Variants in MLLT10 observed in about 807,000 individuals in gnomAD.
MLLT10 encodes protein AF-10.
MLLT10 carries 30 observed loss-of-function variants against 129.1 expected under a neutral mutation model. The observed-to-expected ratio is 0.23, with a 90% CI of 0.17 to 0.32. MLLT10 has a LOEUF of 0.32. MLLT10 is among the 10% of genes least tolerant of loss of function. The probability of loss-of-function intolerance (pLI) is 1.00; values close to 1 mark genes in which losing one functional copy is unlikely to be tolerated. For missense variants in MLLT10, 1,119 were observed against 1,268.3 expected, an observed-to-expected ratio of 0.88 and a Z score of 1.79; for synonymous variants, 490 against 446.4, an observed-to-expected ratio of 1.10 and a Z score of -1.23.
At chr10:21,658,699 C>G (rs2131341432) in intron 9 of MLLT10, among the ~76,000 whole-genome samples, 1 of 152,278 alleles carries the variant, frequency 6.6e-6, no homozygotes, top group East Asian at 1.9e-4. Flanking sequence ...GAGTCTCGCT[C>G]TGTCGCCCAG....
At chr10:21,709,732 T>G (rs1417237638) in intron 13 of MLLT10, among the ~76,000 whole-genome samples, 1 of 152,120 alleles carries the variant, frequency 6.6e-6, no homozygotes, top group African/African-American at 2.4e-5. Flanking sequence ...ACTTGTTTCT[T>G]TTTCTTCCTT....
At position 21,648,158 on chromosome 10, in the gene MLLT10, C is replaced by T. The variant is rs553360506; in HGVS notation, c.700-3515C>T. On this transcript the variant is annotated intron_variant, in intron 8 of 22. Transcript: ENST00000307729. ...ATAATTGACTCTTTTCCTGGGTTTT[C>T]CCTTTCTTAATCTGTTTAAATCAAC... is the stretch of plus-strand genomic sequence containing the variant. 9.2e-5 allele frequency among the ~76,000 whole-genome samples: 14 copies of T among 152,186 alleles called. No homozygotes were observed. The East Asian group carries it at 2.7e-3, about 29-fold the overall frequency.
At chr10:21,635,788 G>A (rs2047399125) in intron 8 of MLLT10, among the ~76,000 whole-genome samples, 1 of 150,938 alleles carries the variant, frequency 6.6e-6, no homozygotes. Context: ...GTGCAATGGT[G>A]CAATCTCAGC....
Position 21,534,651 on chromosome 10 carries a change from T to G in MLLT10, c.7T>G (p.Ser3Ala). The G allele has an allele frequency of 6.2e-7, 1 of 1,607,746 alleles. No homozygotes were observed. Among genetic ancestry groups the G allele is most frequent in the Non-Finnish European group, 8.5e-7 (1 of 1,176,716 alleles). The change falls in exon 2 of 23, where the codon TCT (serine) becomes GCT (alanine). Residue 3 changes from serine to alanine, a missense_variant. Transcript: ENST00000307729. MV[S>A]SDRPVSLEDE... is the part of the protein sequence containing the mutation. The stretch of plus-strand genomic sequence containing the variant: ...CCCCCCAACTCCCTCTTAGATGGTC[T>G]CTAGCGACCGGCCCGTGTCACTGGA...
At chr10:21,740,323 C>T in intron 22 of MLLT10, 87 bp downstream of exon 22, 1 of 1,434,116 alleles carries the variant, frequency 7.0e-7, no homozygotes, top group Non-Finnish European at 9.6e-7. Context: ...GGTTTTGTTC[C>T]CCTGATCATT....
chr10:21,675,463 C>T (rs1165658132), intron 11 of MLLT10, among the ~76,000 whole-genome samples: 1 of 152,124 alleles, frequency 6.6e-6, no homozygotes, highest in Non-Finnish European at 1.5e-5. Flanking sequence ...CTAAAACTAC[C>T]TCTGGTTGAG....
chr10:21,674,656 A>T (rs1371623817), intron 11 of MLLT10, among the ~76,000 whole-genome samples: 1 of 152,150 alleles, frequency 6.6e-6, no homozygotes, highest in Non-Finnish European at 1.5e-5. Flanking sequence ...TTTTAGACAG[A>T]CCCTTAACAG....
intron 21 of MLLT10, among the ~76,000 whole-genome samples, chr10:21,737,451 G>A (rs2058466746): frequency 6.6e-6 from 1 of 152,168 alleles, no homozygotes; most frequent in South Asian, 2.1e-4. Context: ...GGATAGGAGA[G>A]AAGAAAGGTG....
intron 10 of MLLT10, 51 bp from the exon 11 acceptor site, chr10:21,673,299 T>A: frequency 1.3e-6 from 1 of 774,316 alleles, no homozygotes; most frequent in Non-Finnish European, 1.9e-6. Context: ...CCAATTTTTC[T>A]GTCCCCCCCA....
Position 21,704,016 on chromosome 10 carries a change from G to GTTTTTTTTTTTTTTT in MLLT10, c.1700-9747_1700-9733dup, listed in dbSNP as rs60982595. 4.1e-4 allele frequency among the ~76,000 whole-genome samples: 23 copies of GTTTTTTTTTTTTTTT among 56,636 alleles called. 3 individuals are homozygous for GTTTTTTTTTTTTTTT. Among genetic ancestry groups the GTTTTTTTTTTTTTTT allele is most frequent in the South Asian group, 2.8e-3 (3 of 1,064 alleles). 37.2% of individuals were successfully genotyped at this position (56,636 alleles called of 152,430 possible). ...ACATTTTGGATTTCGATTGTTTTTTGTTTTTTTTTTTTTTTTTTTTTTTGA... is the reference window on the plus strand; with the variant it reads ...ACATTTTGGATTTCGATTGTTTTTTGTTTTTTTTTTTTTTTTTTTTTTTTTTTTTTTTTTTTTTGA... On this transcript the variant is annotated intron_variant, in intron 13 of 22. Transcript: ENST00000307729.
At chr10:21,684,154 G>A (rs904194291) in intron 13 of MLLT10, among the ~76,000 whole-genome samples, 1 of 152,070 alleles carries the variant, frequency 6.6e-6, no homozygotes, top group Non-Finnish European at 1.5e-5. Context: ...AGGACTGCAG[G>A]CGTGCGCCAC....
chr10:21,738,438 A>T, intron 21 of MLLT10: 5 of 1,289,080 alleles, frequency 3.9e-6, no homozygotes, highest in Non-Finnish European at 5.1e-6. Flanking sequence ...GAACATGGTT[A>T]AGGAATTTTC....
intron 11 of MLLT10, among the ~76,000 whole-genome samples, chr10:21,677,653 C>T (rs973596711): frequency 6.6e-6 from 1 of 152,062 alleles, no homozygotes; most frequent in Non-Finnish European, 1.5e-5. Context: ...CAATTTTTTC[C>T]TCCAAATATT....
At chr10:21,612,731 A>G (rs907358072) in intron 6 of MLLT10, among the ~76,000 whole-genome samples, 6 of 152,032 alleles carry the variant, frequency 3.9e-5, no homozygotes, top group African/African-American at 1.4e-4. Context: ...CTATCCTTCG[A>G]TTTGTTATTA....
At chr10:21,547,531 T>TC (rs1244983119) in intron 3 of MLLT10, among the ~76,000 whole-genome samples, 1 of 151,900 alleles carries the variant, frequency 6.6e-6, no homozygotes, top group Non-Finnish European at 1.5e-5. Context: ...TTTTTTCTTT[T>TC]TTTTTTTTGG....
intron 21 of MLLT10, among the ~76,000 whole-genome samples, chr10:21,736,458 A>AT (rs1589909217): frequency 6.6e-6 from 1 of 152,028 alleles, no homozygotes; most frequent in South Asian, 2.1e-4. Context: ...CTAATTTTGT[A>AT]TTTTTTGTAG....
intron 13 of MLLT10, among the ~76,000 whole-genome samples, chr10:21,704,011 T>TTTTTG (rs1401057940): frequency 8.1e-6 from 1 of 123,174 alleles, no homozygotes; most frequent in Non-Finnish European, 1.6e-5. Flanking sequence ...TTTCGATTGT[T>TTTTTG]TTTTGTTTTT....
intron 5 of MLLT10, among the ~76,000 whole-genome samples, chr10:21,604,371 C>A (rs528657396): frequency 7.9e-5 from 12 of 152,194 alleles, no homozygotes. Flanking sequence ...AGGCAGATGA[C>A]CTGAGGTCAG....
intron 8 of MLLT10, among the ~76,000 whole-genome samples, chr10:21,634,435 T>C (rs1051799356): frequency 2.0e-5 from 3 of 152,208 alleles, no homozygotes; most frequent in Non-Finnish European, 4.4e-5. Flanking sequence ...ACATATGATA[T>C]TAGTTTATCC....
Sources: gnomAD v4.1 joint callset for allele counts (sites outside exome capture counted in the v4.1 genomes callset) on GRCh38, gnomAD v4.1.1 for gene constraint, MANE v1.5 for transcripts, NCBI Gene and HGNC (gene_info 2026-07-23, HGNC 2026-07-21) for gene names.